Variants in PLCB1 observed in about 807,000 individuals in gnomAD.
PLCB1 encodes phospholipase C beta 1.
PLCB1 carries 46 observed loss-of-function variants against 161.8 expected under a neutral mutation model. The ratio of observed to expected loss-of-function variants is 0.28; its 90% CI spans 0.22 to 0.36. The LOEUF (loss-of-function observed/expected upper bound fraction) is 0.36. PLCB1 is among the 10% of genes least tolerant of loss of function. PLCB1 has a pLI of 1.00. For synonymous variants in PLCB1, 517 were observed against 503.7 expected (o/e 1.03, Z -0.35); for missense variants, 1,016 against 1,472.5 (o/e 0.69, Z 5.07).
chr20:8,249,237 T>C (rs561408538), intron 2 of PLCB1, among the ~76,000 whole-genome samples: 22 of 151,988 alleles, frequency 1.4e-4, no homozygotes, highest in Non-Finnish European at 2.4e-4. Flanking sequence ...TCCAAAACGC[T>C]GTTAGTGGTC....
In PLCB1 at chr20:8,510,388, T is replaced by C. The variant is rs1016020686; in HGVS notation, c.247-117906T>C. On this transcript the variant is annotated intron_variant, in intron 3 of 31. Transcript: ENST00000338037. ...GATCTTTTTCTTTTCTTTTTCTTTT[T>C]TTTTTTTTTTTTTTAAGATGGAGTT... Among the ~76,000 whole-genome samples the C allele has an allele frequency of 3.1e-4, 46 of 149,458 alleles. No individual in the cohort carries two copies. In the East Asian group the frequency reaches 4.9e-3, roughly 16 times the overall value.
chr20:8,743,319 G>GT (rs933456515), intron 23 of PLCB1, among the ~76,000 whole-genome samples: 19 of 151,294 alleles, frequency 1.3e-4, no homozygotes, highest in African/African-American at 2.7e-4. Context: ...GATCATATGG[G>GT]TTTTTTTTTC....
In PLCB1 at chr20:8,881,807, G is replaced by T; in HGVS notation, c.3609G>T (p.Leu1203=). 6.2e-7 allele frequency: 1 copy of T among 1,614,056 alleles called. No homozygotes were observed. Among genetic ancestry groups the T allele is most frequent in the Middle Eastern group, 1.7e-4 (1 of 6,060 alleles). ...ACAAGACTCCCTCCAGTGAGGAGCT[G>T]GGAGGAGACATCCCAGGAAAAGAAT... ...VNHKTPSSEE[L]GGDIPGKEFD... Residue 1203 remains leucine (L), a synonymous_variant, in exon 32 of 32, where the codon CTG becomes CTT. Coordinates refer to ENST00000338037, the MANE Select transcript of PLCB1 (RefSeq NM_015192.4).
At chr20:8,652,684 T>C (rs1989353551) in intron 7 of PLCB1, 1 of 152,110 alleles carries the variant, frequency 6.6e-6, no homozygotes. Flanking sequence ...AATAGATATA[T>C]TACCAGAAAC....
intron 11 of PLCB1, among the ~76,000 whole-genome samples, chr20:8,699,599 A>C (rs1234388942): frequency 6.6e-6 from 1 of 152,226 alleles, no homozygotes. Context: ...GATGTGAGAA[A>C]ATAAACAGTG....
chr20:8,281,435 G>T (rs1982868507), intron 2 of PLCB1, among the ~76,000 whole-genome samples: 1 of 151,876 alleles, frequency 6.6e-6, no homozygotes, highest in Non-Finnish European at 1.5e-5. Context: ...CAGCAGCAAA[G>T]ATCAGATTTT....
intron 3 of PLCB1, among the ~76,000 whole-genome samples, chr20:8,501,862 CGCAT>C (rs1568701414): frequency 7.7e-5 from 8 of 104,198 alleles, no homozygotes; most frequent in Non-Finnish European, 7.5e-5. Flanking sequence ...AAAGATATAT[CGCAT>C]ATATATATAT....
intron 7 of PLCB1, among the ~76,000 whole-genome samples, chr20:8,650,777 G>A (rs1989294777): frequency 6.6e-6 from 1 of 152,170 alleles, no homozygotes; most frequent in South Asian, 2.1e-4. Flanking sequence ...TAAGCAATTA[G>A]TATGCTGCTA....
chr20:8,758,101 G>T (rs2123565388), intron 24 of PLCB1, among the ~76,000 whole-genome samples: 1 of 150,952 alleles, frequency 6.6e-6, no homozygotes, highest in Non-Finnish European at 1.5e-5. Flanking sequence ...GGTTAATAAA[G>T]TAAACAAAAG....
rs73083905 is a variant in PLCB1 at position 8,764,024 on chromosome 20, G to A, written c.2711-1115G>A. On this transcript the variant is annotated intron_variant, in intron 25 of 31. Transcript: ENST00000338037. ...CATAAAAAATAGAAAATAATTATCC[G>A]GGCATGTTGGTGCATGCTTGTAATC... Among the ~76,000 whole-genome samples the A allele has an allele frequency of 9.7e-3, 1,480 of 152,068 alleles. 11 individuals carry two copies. The highest frequency in any genetic ancestry group is 0.015 in the Non-Finnish European group (1,008 of 67,978).
chr20:8,258,740 A>G, intron 2 of PLCB1, among the ~76,000 whole-genome samples: 1 of 152,092 alleles, frequency 6.6e-6, no homozygotes, highest in East Asian at 1.9e-4. Context: ...TAAAATTTCG[A>G]TTAGTGTTAT....
intron 23 of PLCB1, among the ~76,000 whole-genome samples, chr20:8,742,307 C>T (rs796837450): frequency 2.6e-5 from 4 of 151,458 alleles, no homozygotes; most frequent in African/African-American, 4.8e-5. Flanking sequence ...AGGAAAAACT[C>T]GAGAAAAAAG....
intron 23 of PLCB1, among the ~76,000 whole-genome samples, chr20:8,746,319 CT>C (rs932784491): frequency 9.2e-5 from 14 of 152,094 alleles, no homozygotes; most frequent in African/African-American, 2.4e-4. Flanking sequence ...TATCATAACA[CT>C]TTTTTTCTAT....
intron 10 of PLCB1, among the ~76,000 whole-genome samples, chr20:8,689,400 G>A (rs2123409747): frequency 6.6e-6 from 1 of 152,214 alleles, no homozygotes; most frequent in East Asian, 1.9e-4. Context: ...GGTGGTGAGA[G>A]TGGGCATCCT....
At chr20:8,624,045 C>T (rs1988260399) in intron 3 of PLCB1, 1 of 152,154 alleles carries the variant, frequency 6.6e-6, no homozygotes, top group African/African-American at 2.4e-5. Flanking sequence ...ACATTTCCTC[C>T]ACAATGAAAT....
chr20:8,828,413 A>G (rs1446082756), intron 31 of PLCB1, among the ~76,000 whole-genome samples: 1 of 152,118 alleles, frequency 6.6e-6, no homozygotes, highest in African/African-American at 2.4e-5. Flanking sequence ...CCTTTTTTTT[A>G]AACATTCTCT....
chr20:8,446,613 CA>C (rs1980843433), intron 3 of PLCB1, among the ~76,000 whole-genome samples: 1 of 152,136 alleles, frequency 6.6e-6, no homozygotes, highest in Non-Finnish European at 1.5e-5. Context: ...AAGAGGGAGT[CA>C]AATCGTCCCT....
At chr20:8,675,121 A>G (rs534371704) in intron 9 of PLCB1, among the ~76,000 whole-genome samples, 1 of 152,252 alleles carries the variant, frequency 6.6e-6, no homozygotes, top group South Asian at 2.1e-4. Context: ...ATATCTGATG[A>G]CCACCATGAC....
At chr20:8,177,687 T>G (rs565580832) in intron 2 of PLCB1, among the ~76,000 whole-genome samples, 1 of 152,164 alleles carries the variant, frequency 6.6e-6, no homozygotes, top group Non-Finnish European at 1.5e-5. Context: ...TGATTCAGCT[T>G]TTTAAAAAAC....
Sources: gnomAD v4.1 joint callset for allele counts (sites outside exome capture counted in the v4.1 genomes callset) on GRCh38, gnomAD v4.1.1 for gene constraint, MANE v1.5 for transcripts, NCBI Gene and HGNC (gene_info 2026-07-23, HGNC 2026-07-21) for gene names.